DTNBP1: variants seen among roughly 807,000 people sequenced by gnomAD.
DTNBP1 encodes dysbindin.
Under a neutral mutation model 42.8 loss-of-function variants are expected in DTNBP1, and 35 were observed. The observed-to-expected ratio is 0.82, with a 90% CI of 0.63 to 1.09. The LOEUF (loss-of-function observed/expected upper bound fraction) is 1.09, where lower values mean the gene tolerates loss of function less well. DTNBP1 is among the 50% of genes least tolerant of loss of function. The pLI, the probability that DTNBP1 is intolerant of heterozygous loss-of-function variation, is 0.00. For missense variants in DTNBP1, 457 were observed against 424.2 expected (o/e 1.08, Z -0.68); for synonymous variants, 171 against 162.2 (o/e 1.05, Z -0.41).
intron 8 of DTNBP1, among the ~76,000 whole-genome samples, chr6:15,528,758 C>T (rs1772597480): frequency 6.6e-6 from 1 of 152,150 alleles, no homozygotes. Context: ...TCATTGTGAC[C>T]AGTAATTCCT....
chr6:15,528,636 T>C (rs1197605589), intron 8 of DTNBP1, among the ~76,000 whole-genome samples: 1 of 152,188 alleles, frequency 6.6e-6, no homozygotes, highest in Non-Finnish European at 1.5e-5. Flanking sequence ...TGCTACCAAG[T>C]GCCGGCGAAG....
intron 3 of DTNBP1, among the ~76,000 whole-genome samples, chr6:15,647,240 A>G (rs1760741594): frequency 6.6e-6 from 1 of 151,902 alleles, no homozygotes; most frequent in African/African-American, 2.4e-5. Flanking sequence ...AACAAAGATG[A>G]AAAAAATGCT....
At chr6:15,532,302 G>A (rs1772897843) in intron 8 of DTNBP1, among the ~76,000 whole-genome samples, 1 of 152,024 alleles carries the variant, frequency 6.6e-6, no homozygotes, top group East Asian at 1.9e-4. Context: ...AAGCTGGGAA[G>A]AAGGAGTTCG....
At chr6:15,541,222 C>T (rs1053838591) in intron 7 of DTNBP1, among the ~76,000 whole-genome samples, 5 of 152,236 alleles carry the variant, frequency 3.3e-5, no homozygotes, top group South Asian at 2.1e-4. Flanking sequence ...TTGCCCTCAG[C>T]GACGTGACTG....
At chr6:15,652,629 G>A (rs1361269009) in intron 1 of DTNBP1, among the ~76,000 whole-genome samples, 1 of 151,770 alleles carries the variant, frequency 6.6e-6, no homozygotes, top group Non-Finnish European at 1.5e-5. Flanking sequence ...CGGAAAATCT[G>A]TAGCAAATTT....
At chr6:15,569,244 T>C (rs957775713) in intron 7 of DTNBP1, among the ~76,000 whole-genome samples, 34 of 152,086 alleles carry the variant, frequency 2.2e-4, no homozygotes, top group Admixed American at 7.2e-4. Flanking sequence ...TCCCCACTGT[T>C]CCTATAGACA....
chr6:15,572,799 G>A (rs1775393999), intron 7 of DTNBP1, among the ~76,000 whole-genome samples: 1 of 151,934 alleles, frequency 6.6e-6, no homozygotes, highest in Non-Finnish European at 1.5e-5. Flanking sequence ...TGATGTGATC[G>A]TGGCTCACTG....
chr6:15,634,676 T>C (rs1759903916), intron 4 of DTNBP1, among the ~76,000 whole-genome samples: 1 of 152,158 alleles, frequency 6.6e-6, no homozygotes, highest in South Asian at 2.1e-4. Flanking sequence ...TAATTAACTT[T>C]TAAAAGTGAG....
At chr6:15,533,741 G>T (rs966701835) in intron 7 of DTNBP1, 10 of 480,734 alleles carry the variant, frequency 2.1e-5, no homozygotes, top group Non-Finnish European at 4.1e-5. Flanking sequence ...TAACTCCAGT[G>T]GAGTCTGCTG....
At chr6:15,648,818 G>C (rs1034884265) in intron 3 of DTNBP1, among the ~76,000 whole-genome samples, 1 of 151,998 alleles carries the variant, frequency 6.6e-6, no homozygotes, top group Non-Finnish European at 1.5e-5. Flanking sequence ...AAAATGACCA[G>C]ATTCAATTTA....
intron 7 of DTNBP1, among the ~76,000 whole-genome samples, chr6:15,576,204 C>T (rs1318284511): frequency 2.0e-5 from 3 of 151,980 alleles, no homozygotes; most frequent in African/African-American, 7.2e-5. Flanking sequence ...CTGCAACCTC[C>T]ACCTCCCGAG....
At chr6:15,647,982 T>C (rs562896396) in intron 3 of DTNBP1, among the ~76,000 whole-genome samples, 61 of 151,956 alleles carry the variant, frequency 4.0e-4, no homozygotes, top group Non-Finnish European at 6.9e-4. Flanking sequence ...CAATACCCCT[T>C]ATGAATACTA....
chr6:15,616,098 T>C (rs1001181143), intron 5 of DTNBP1, among the ~76,000 whole-genome samples: 2 of 152,184 alleles, frequency 1.3e-5, no homozygotes, highest in Non-Finnish European at 2.9e-5. Context: ...GAAAAACAAA[T>C]ACAGTGCCTT....
chr6:15,553,045 T>C (rs1249520931), intron 7 of DTNBP1, among the ~76,000 whole-genome samples: 1 of 152,166 alleles, frequency 6.6e-6, no homozygotes, highest in African/African-American at 2.4e-5. Context: ...TGGTGTACGA[T>C]CATCAACAGG....
chr6:15,531,124 G>A (rs1323420708), intron 8 of DTNBP1, among the ~76,000 whole-genome samples: 1 of 152,196 alleles, frequency 6.6e-6, no homozygotes, highest in African/African-American at 2.4e-5. Flanking sequence ...CTATAAGCAA[G>A]GAAGAGAGCC....
intron 3 of DTNBP1, among the ~76,000 whole-genome samples, chr6:15,639,447 T>C (rs1488121260): frequency 6.6e-6 from 1 of 152,236 alleles, no homozygotes; most frequent in African/African-American, 2.4e-5. Flanking sequence ...GAGTTCATAC[T>C]GCCTCCCCTC....
At chr6:15,629,661 T>C (rs1322999220) in intron 4 of DTNBP1, among the ~76,000 whole-genome samples, 1 of 152,170 alleles carries the variant, frequency 6.6e-6, no homozygotes, top group African/African-American at 2.4e-5. Flanking sequence ...GACCCTGTGC[T>C]AAGTAATTTA....
intron 7 of DTNBP1, among the ~76,000 whole-genome samples, chr6:15,551,682 A>T (rs1774218795): frequency 6.6e-6 from 1 of 152,128 alleles, no homozygotes; most frequent in Non-Finnish European, 1.5e-5. Flanking sequence ...CTTGCCCCCT[A>T]TAGTTCCACT....
intron 6 of DTNBP1, among the ~76,000 whole-genome samples, chr6:15,601,913 G>C (rs903541451): frequency 2.7e-5 from 4 of 150,570 alleles, no homozygotes; most frequent in African/African-American, 7.3e-5. Context: ...AACTTCCAGA[G>C]AGGAAGGAAA....
Sources: allele counts gnomAD v4.1 joint callset (sites outside exome capture counted in the v4.1 genomes callset), GRCh38; gene constraint gnomAD v4.1.1; transcripts MANE v1.5; gene names NCBI Gene and HGNC (gene_info 2026-07-23, HGNC 2026-07-21).